The following ARPC1B variants were observed in gnomAD, a reference collection of about 807,000 sequenced individuals.
ARPC1B encodes actin related protein 2/3 complex subunit 1B.
ARPC1B carries 29 observed loss-of-function variants against 46.0 expected under a neutral mutation model. The ratio of observed to expected loss-of-function variants is 0.63; its 90% CI spans 0.47 to 0.86. The LOEUF (loss-of-function observed/expected upper bound fraction) is 0.86. ARPC1B is among the 40% of genes least tolerant of loss of function. ARPC1B has a pLI of 0.00. For synonymous variants in ARPC1B, 201 were observed against 213.9 expected (o/e 0.94, Z 0.53); for missense variants, 469 against 529.4 (o/e 0.89, Z 1.12).
At chr7:99,387,972 TG>T in intron 3 of ARPC1B, 66 bp from the exon 4 acceptor site, 1 of 1,059,030 alleles carries the variant, frequency 9.4e-7, no homozygotes, top group Middle Eastern at 2.1e-4. Context: ...CTCTCCCATG[TG>T]GCCACCATAC....
chr7:99,394,373 G>A, intron 9 of ARPC1B, 78 bp from the exon 10 acceptor site: 1 of 1,314,156 alleles, frequency 7.6e-7, no homozygotes, highest in South Asian at 1.2e-5. Flanking sequence ...CTGGGGCTGA[G>A]ATGGGTGATC....
chr7:99,378,970 G>C (rs1375576863), intron 1 of ARPC1B, among the ~76,000 whole-genome samples: 1 of 151,492 alleles, frequency 6.6e-6, no homozygotes, highest in African/African-American at 2.4e-5. Flanking sequence ...GTAGAGACGG[G>C]GTTTCACCGT....
At chr7:99,393,471 A>G (rs1057490165) in intron 8 of ARPC1B, among the ~76,000 whole-genome samples, 1 of 151,754 alleles carries the variant, frequency 6.6e-6, no homozygotes, top group Non-Finnish European at 1.5e-5. Flanking sequence ...GGGCGGGTCT[A>G]TTGCTAGCAC....
chr7:99,392,634 C>A, intron 7 of ARPC1B, 37 bp from the exon 8 acceptor site: 1 of 1,443,680 alleles, frequency 6.9e-7, no homozygotes, highest in South Asian at 1.4e-5. Flanking sequence ...TCGGTTTCCC[C>A]TCCGCGGCGC....
chr7:99,389,179 C>G (rs1251307394), intron 4 of ARPC1B: 1 of 151,248 alleles, frequency 6.6e-6, no homozygotes, highest in Non-Finnish European at 1.5e-5. Flanking sequence ...TCAGGTGGTC[C>G]TCCTGCCTCC....
At chr7:99,384,865 T>C (rs1794333008) in intron 1 of ARPC1B, among the ~76,000 whole-genome samples, 1 of 150,372 alleles carries the variant, frequency 6.7e-6, no homozygotes, top group Admixed American at 6.6e-5. Context: ...CATTTCTTTT[T>C]TTTTTTTTTT....
intron 7 of ARPC1B, among the ~76,000 whole-genome samples, chr7:99,391,716 C>G (rs904864409): frequency 4.7e-4 from 70 of 147,840 alleles, no homozygotes; most frequent in African/African-American, 1.7e-3. Context: ...ATGGTCGTAC[C>G]TCTGCACTTC....
intron 7 of ARPC1B, among the ~76,000 whole-genome samples, chr7:99,392,418 G>C (rs572154367): frequency 6.6e-6 from 1 of 152,346 alleles, no homozygotes; most frequent in East Asian, 1.9e-4. Context: ...CCTAGAGCAG[G>C]TGTAACTGGC....
At chr7:99,378,632 G>A (rs1431835218) in intron 1 of ARPC1B, among the ~76,000 whole-genome samples, 5 of 151,354 alleles carry the variant, frequency 3.3e-5, no homozygotes, top group South Asian at 2.1e-4. Context: ...GCAGTGAGCC[G>A]AGAATGCACC....
Position 99,385,713 on chromosome 7 carries a change from C to T in ARPC1B, c.-2C>T, listed in dbSNP as rs1463898473. 6.2e-7 allele frequency: 1 copy of T among 1,609,744 alleles called. No homozygotes were observed. Among genetic ancestry groups the T allele is most frequent in the Admixed American group, 1.7e-5 (1 of 59,556 alleles). ...TCTCTCGGGCACAGGAGCCAAGCCG[C>T]CATGGCCTACCACAGCTTCCTGGTG... On this transcript the variant is annotated 5_prime_UTR_variant, in exon 2 of 10. Coordinates refer to ENST00000646101, the MANE Select transcript of ARPC1B (RefSeq NM_005720.4).
chr7:99,378,120 C>G (rs1234350489), intron 1 of ARPC1B, among the ~76,000 whole-genome samples: 3 of 152,014 alleles, frequency 2.0e-5, no homozygotes, highest in Non-Finnish European at 4.4e-5. Flanking sequence ...AGTACAGTGA[C>G]GAGATCTCGG....
At position 99,386,688 on chromosome 7, in the gene ARPC1B, T is replaced by C. The variant is rs1460142998; in HGVS notation, c.68T>C (p.Ile23Thr). 2 of 1,613,392 alleles carry C rather than the reference T, an allele frequency of 1.2e-6. No homozygotes were observed. The highest frequency in any genetic ancestry group is 1.1e-5 in the South Asian group (1 of 91,058). ...TCTCCCTCCATCTCCCCTTCAGAGA[T>C]TGCCATCTGCCCCAACAACCATGAG... ...CHAWNKDRTQ[I>T]AICPNNHEVH... is the part of the protein sequence containing the mutation. Residue 23 changes from isoleucine (I) to threonine (T), a missense_variant, in exon 3 of 10, where the codon ATT becomes ACT. Ile to Thr is a moderately conservative substitution (Grantham distance 89, BLOSUM62 -1). Coordinates refer to ENST00000646101, the MANE Select transcript of ARPC1B (RefSeq NM_005720.4).
chr7:99,392,206 C>G (rs1262558127), intron 7 of ARPC1B: 1 of 160,620 alleles, frequency 6.2e-6, no homozygotes, highest in African/African-American at 2.4e-5. Context: ...TTGGCAGGTG[C>G]AATGGCAAGG....
At chr7:99,389,705 T>C (rs1794506253) in intron 4 of ARPC1B, 200 bp from the exon 5 acceptor site, 1 of 580,506 alleles carries the variant, frequency 1.7e-6, no homozygotes, top group African/African-American at 1.9e-5. Context: ...GGCACAGAGT[T>C]CCCACTCCAG....
chr7:99,390,872 CT>C lies in ARPC1B; in HGVS notation c.501-20del. 3.8e-6 allele frequency: 6 copies of C among 1,580,758 alleles called. No homozygotes were observed. Among genetic ancestry groups the C allele is most frequent in the Non-Finnish European group, 5.2e-6 (6 of 1,158,788 alleles). On this transcript the variant is annotated intron_variant, in intron 5 of 9. Coordinates refer to ENST00000646101, the MANE Select transcript of ARPC1B (RefSeq NM_005720.4). ...ACCACCATGCCTGGCTACTTTACCT[CT>C]ACTTTGCCTATCCCGGTAGGATCTT...
At chr7:99,385,018 T>C (rs1456583050) in intron 1 of ARPC1B, among the ~76,000 whole-genome samples, 1 of 128,934 alleles carries the variant, frequency 7.8e-6, no homozygotes, top group African/African-American at 3.1e-5. Context: ...CAGGCTGGAG[T>C]GCAGTGGTGC....
intron 4 of ARPC1B, chr7:99,389,331 C>A (rs1461051775): frequency 6.5e-6 from 1 of 153,548 alleles, no homozygotes; most frequent in Admixed American, 6.5e-5. Context: ...CTCCTGAGCT[C>A]AAGTAATCCT....
intron 1 of ARPC1B, among the ~76,000 whole-genome samples, chr7:99,378,661 C>T (rs533108786): frequency 2.1e-4 from 31 of 150,000 alleles, no homozygotes; most frequent in African/African-American, 6.4e-4. Flanking sequence ...CCAGCCTGGG[C>T]GACAGAATGA....
At chr7:99,387,591 G>A (rs931141276) in intron 3 of ARPC1B, among the ~76,000 whole-genome samples, 4 of 152,090 alleles carry the variant, frequency 2.6e-5, no homozygotes, top group Non-Finnish European at 5.9e-5. Flanking sequence ...ACAAAAATTA[G>A]CCAGGCATGA....
Sources: allele counts gnomAD v4.1 joint callset (sites outside exome capture counted in the v4.1 genomes callset), GRCh38; gene constraint gnomAD v4.1.1; transcripts MANE v1.5; gene names NCBI Gene and HGNC (gene_info 2026-07-23, HGNC 2026-07-21).